Variants in ZNF205 observed in about 807,000 individuals in gnomAD.
The protein encoded by ZNF205 is zinc finger protein 205, also known as transcriptional repressor RHIT.
ZNF205 carries 32 observed loss-of-function variants against 53.6 expected under a neutral mutation model. The observed-to-expected ratio is 0.60, with a 90% CI of 0.45 to 0.80. The LOEUF (loss-of-function observed/expected upper bound fraction) is 0.80, where lower values mean the gene tolerates loss of function less well. ZNF205 is among the 30% of genes least tolerant of loss of function. The pLI, the probability that ZNF205 is intolerant of heterozygous loss-of-function variation, is 0.00. For missense variants in ZNF205, 836 were observed against 782.4 expected (o/e 1.07, Z -0.82); for synonymous variants, 382 against 334.3 (o/e 1.14, Z -1.56).
In ZNF205 at chr16:3,115,897, G is replaced by T; in HGVS notation, c.340G>T (p.Ala114Ser). The T allele has an allele frequency of 1.9e-6, 3 of 1,613,966 alleles. No individual in the cohort carries two copies. Among genetic ancestry groups the T allele is most frequent in the Non-Finnish European group, 2.5e-6 (3 of 1,179,970 alleles). ...GRTRDRQMAA[A>S]LLTAWSQMPV... ...GACCAGAGACCGGCAGATGGCTGCA[G>T]CGCTCCTCACTGCCTGGTCCCAGGT... Residue 114 changes from alanine to serine, a missense_variant, in exon 4 of 7, where the codon GCG (alanine) becomes TCG (serine). By Grantham distance (99) the Ala-to-Ser change is moderately conservative. Coordinates refer to ENST00000219091, the MANE Select transcript of ZNF205 (RefSeq NM_001042428.2).
In ZNF205 at chr16:3,119,784, A is replaced by G; in HGVS notation, c.1124A>G (p.His375Arg). The change falls in exon 7 of 7, where the codon CAC (histidine) becomes CGC (arginine). Residue 375 changes from histidine to arginine, a missense_variant. Physicochemically the swap from His to Arg is conservative, Grantham distance 29. Transcript: ENST00000219091. ...CCCGCCTGCCGGAAGAGCTTCAGCC[A>G]CCACTCCACGCTGATTCAGCACCAG... ...TCPACRKSFS[H>R]HSTLIQHQRI... 6.2e-7 allele frequency: 1 copy of G among 1,613,670 alleles called. No homozygotes were observed. Among genetic ancestry groups the G allele is most frequent in the Non-Finnish European group, 8.5e-7 (1 of 1,179,878 alleles).
chr16:3,118,462 C>T (rs1203401568), intron 5 of ZNF205, among the ~76,000 whole-genome samples: 1 of 152,206 alleles, frequency 6.6e-6, no homozygotes, highest in African/African-American at 2.4e-5. Flanking sequence ...GCCAGGGCCC[C>T]CTCTGCTCTC....
rs182531088 is a variant in ZNF205 at position 3,120,449 on chromosome 16, C to A, written c.*124C>A. The A allele has an allele frequency of 8.5e-7, 1 of 1,171,398 alleles. No homozygotes were observed. The highest frequency in any genetic ancestry group is 1.2e-6 in the Non-Finnish European group (1 of 859,742). 72.6% of individuals were successfully genotyped at this position (1,171,398 alleles called of 1,614,324 possible). A position where few individuals can be genotyped will look rare whatever the true frequency, so the allele number is the denominator to read the frequency against. ...GGGGCGGTGAGGGCATGGGGTGAGGCATGGCGATGGGGGAGGGCGAGGGCG... is the reference window on the plus strand; with the variant it reads ...GGGGCGGTGAGGGCATGGGGTGAGGAATGGCGATGGGGGAGGGCGAGGGCG... On this transcript the variant is annotated 3_prime_UTR_variant, in exon 7 of 7. Coordinates refer to ENST00000219091, the MANE Select transcript of ZNF205 (RefSeq NM_001042428.2).
At position 3,120,337 on chromosome 16, in the gene ZNF205, AGG is replaced by A. The variant is rs1957413111; in HGVS notation, c.*16_*17del. 1 of 1,506,248 alleles carries A rather than the reference AGG, an allele frequency of 6.6e-7. No individual in the cohort carries two copies. The highest frequency in any genetic ancestry group is 1.4e-5 in the African/African-American group (1 of 71,808). 93.3% of individuals were successfully genotyped at this position (1,506,248 alleles called of 1,614,324 possible). Reference sequence around the variant, plus strand: ...CCGCTCCCACCTAGGAGGCCAGGAAAGGGGGAGCGGGGCGCCCAGGGCCACTG... The same window carrying A: ...CCGCTCCCACCTAGGAGGCCAGGAAAGGGAGCGGGGCGCCCAGGGCCACTG... On this transcript the variant is annotated 3_prime_UTR_variant, in exon 7 of 7. Coordinates refer to ENST00000219091, the MANE Select transcript of ZNF205 (RefSeq NM_001042428.2).
At position 3,119,824 on chromosome 16, in the gene ZNF205, A is replaced by G. The variant is rs1443921125; in HGVS notation, c.1164A>G (p.Gly388=). 6.2e-7 allele frequency: 1 copy of G among 1,611,334 alleles called. No individual in the cohort carries two copies. The highest frequency in any genetic ancestry group is 8.5e-7 in the Non-Finnish European group (1 of 1,179,288). Residue 388 remains glycine, a synonymous_variant, in exon 7 of 7, where the codon GGA becomes GGG. Coordinates refer to ENST00000219091, the MANE Select transcript of ZNF205 (RefSeq NM_001042428.2). ...TTCAGCACCAGCGCATCCACACCGG[A>G]GAGAAGCCCTACGTGTGCGACCGCT... ...TLIQHQRIHT[G]EKPYVCDRCA...
chr16:3,119,229 T>A, intron 6 of ZNF205, 27 bp from the exon 7 acceptor site: 1 of 1,553,562 alleles, frequency 6.4e-7, no homozygotes, highest in Non-Finnish European at 8.7e-7. Context: ...AGCTCGTCCC[T>A]AGCTGGAAAC....
intron 3 of ZNF205, 69 bp downstream of exon 3, chr16:3,115,637 G>A (rs1567176181): frequency 2.7e-6 from 4 of 1,488,958 alleles, no homozygotes; most frequent in Non-Finnish European, 3.6e-6. Flanking sequence ...GTTTGGCCCA[G>A]GTCCAGGTGG....
intron 5 of ZNF205, among the ~76,000 whole-genome samples, chr16:3,117,093 C>T (rs905177034): frequency 6.6e-6 from 1 of 152,226 alleles, no homozygotes; most frequent in Non-Finnish European, 1.5e-5. Flanking sequence ...CGCGCCCGGC[C>T]AATTTTACTT....
chr16:3,116,540 G>A lies in ZNF205; in HGVS notation c.477G>A (p.Leu159=), dbSNP rs1957348099. The change falls in exon 5 of 7, where the codon CTG becomes CTA. Residue 159 remains leucine (L), a synonymous_variant. Transcript: ENST00000219091. The part of the protein sequence containing the change: ...YRDVLQKKNG[L]SLGFPFSRPF... ...ATGTCCTGCAGAAGAAAAATGGGCTGTCACTGGGTAAGCACTCGCCTGGAG... is the reference window on the plus strand; with the variant it reads ...ATGTCCTGCAGAAGAAAAATGGGCTATCACTGGGTAAGCACTCGCCTGGAG... The A allele has an allele frequency of 3.1e-6, 5 of 1,613,670 alleles. No individual in the cohort carries two copies. The highest frequency in any genetic ancestry group is 3.4e-6 in the Non-Finnish European group (4 of 1,179,880).
chr16:3,117,794 A>C (rs9922546), intron 5 of ZNF205, among the ~76,000 whole-genome samples: 59,242 of 150,700 alleles, frequency 0.39, 11,815 homozygotes, highest in South Asian at 0.44. Context: ...CTTTAGTTTT[A>C]ATACGGAAAA....
intron 5 of ZNF205, among the ~76,000 whole-genome samples, chr16:3,117,442 C>T (rs867860341): frequency 4.1e-4 from 30 of 73,174 alleles, no homozygotes; most frequent in Middle Eastern, 0.014. Flanking sequence ...AGTCCCAGAG[C>T]TTTTTTTTTT....
At chr16:3,115,795 G>C in intron 3 of ZNF205, 34 bp from the exon 4 acceptor site, 1 of 1,583,602 alleles carries the variant, frequency 6.3e-7, no homozygotes, top group Non-Finnish European at 8.6e-7. Context: ...AGCAGGATGA[G>C]CTGATCACCG....
intron 2 of ZNF205, among the ~76,000 whole-genome samples, chr16:3,113,831 G>C (rs1235900035): frequency 6.6e-6 from 1 of 152,092 alleles, no homozygotes; most frequent in Non-Finnish European, 1.5e-5. Flanking sequence ...ATCTCTGTGG[G>C]TCTGAGCTCC....
chr16:3,118,883 C>T, intron 5 of ZNF205, 22 bp from the exon 6 acceptor site: 1 of 1,611,174 alleles, frequency 6.2e-7, no homozygotes, highest in Non-Finnish European at 8.5e-7. Context: ...CCTGTGACAG[C>T]ACAGCATCTC....
At position 3,115,339 on chromosome 16, in the gene ZNF205, G is replaced by C. The variant is rs186697113; in HGVS notation, c.58-16G>C. On this transcript the variant is annotated splice_polypyrimidine_tract_variant and intron_variant, in intron 2 of 6. Coordinates refer to ENST00000219091, the MANE Select transcript of ZNF205 (RefSeq NM_001042428.2). ...TCTCCCACTCATCTGGGTGCTGATG[G>C]GGCTGTCCTTTCTAGGTTCCAGATC... The C allele has an allele frequency of 4.5e-4, 701 of 1,568,066 alleles. 3 individuals are homozygous for C. The African/African-American group carries it at 8.4e-3, about 19-fold the overall frequency.
At chr16:3,115,665 C>A in intron 3 of ZNF205, 97 bp downstream of exon 3, 1 of 1,418,784 alleles carries the variant, frequency 7.0e-7, no homozygotes, top group Non-Finnish European at 9.4e-7. Flanking sequence ...GGTCTCTATG[C>A]CAGCAGGGGA....
rs1337090312 is a variant in ZNF205 at position 3,120,098 on chromosome 16, G to A, written c.1438G>A (p.Asp480Asn). 6.2e-7 allele frequency: 1 copy of A among 1,613,438 alleles called. No homozygotes were observed. The highest frequency in any genetic ancestry group is 8.5e-7 in the Non-Finnish European group (1 of 1,179,788). The part of the protein sequence containing the change: ...HTGEKPYHCL[D>N]CGKSFSHSSH... ...AGGCGAGAAGCCCTACCACTGCCTCGACTGCGGCAAGAGCTTCAGCCACAG... is the reference window on the plus strand; with the variant it reads ...AGGCGAGAAGCCCTACCACTGCCTCAACTGCGGCAAGAGCTTCAGCCACAG... The change falls in exon 7 of 7, where the codon GAC becomes AAC. Residue 480 changes from aspartate (D) to asparagine (N), a missense_variant. Transcript: ENST00000219091.
chr16:3,116,084 G>A (rs1444949982), intron 4 of ZNF205, 164 bp downstream of exon 4: 4 of 828,260 alleles, frequency 4.8e-6, no homozygotes, highest in Non-Finnish European at 7.5e-6. Context: ...CCATGGTCAG[G>A]CCTGGGCCAA....
At chr16:3,113,228 G>A in intron 1 of ZNF205, 189 bp from the exon 2 acceptor site, 2 of 564,494 alleles carry the variant, frequency 3.5e-6, no homozygotes, top group East Asian at 6.5e-5. Flanking sequence ...TGGGACCATC[G>A]GATAGGATCT....
Sources: gnomAD v4.1 joint callset for allele counts (sites outside exome capture counted in the v4.1 genomes callset) on GRCh38, gnomAD v4.1.1 for gene constraint, MANE v1.5 for transcripts, NCBI Gene and HGNC (gene_info 2026-07-23, HGNC 2026-07-21) for gene names.